Variants in PCDHA7 observed in about 807,000 individuals in gnomAD.
PCDHA7 encodes protocadherin alpha 7.
PCDHA7 carries 37 observed loss-of-function variants against 57.2 expected under a neutral mutation model. The observed-to-expected ratio is 0.65, with a 90% CI of 0.50 to 0.85. PCDHA7 has a LOEUF of 0.85. Ranked by LOEUF, PCDHA7 falls within the 40% of genes least tolerant of loss-of-function variation. The pLI, the probability that PCDHA7 is intolerant of heterozygous loss-of-function variation, is 0.00. For synonymous variants in PCDHA7, 553 were observed against 558.8 expected, an observed-to-expected ratio of 0.99 and a Z score of 0.15; for missense variants, 1,188 against 1,241.8, an observed-to-expected ratio of 0.96 and a Z score of 0.65.
chr5:140,925,395 GCCT>G (rs2082476248), intron 1 of PCDHA7, among the ~76,000 whole-genome samples: 1 of 151,998 alleles, frequency 6.6e-6, no homozygotes, highest in Non-Finnish European at 1.5e-5. Flanking sequence ...CTTTTGGCTC[GCCT>G]CCTTCTTAGG....
chr5:140,928,168 A>T, intron 1 of PCDHA7: 3 of 1,614,174 alleles, frequency 1.9e-6, no homozygotes, highest in Non-Finnish European at 2.5e-6. Flanking sequence ...ACCCCCACTT[A>T]GCACCCGAAG....
intron 1 of PCDHA7, among the ~76,000 whole-genome samples, chr5:140,915,632 CT>C (rs782761734): frequency 6.2e-5 from 9 of 144,496 alleles, no homozygotes; most frequent in Non-Finnish European, 1.3e-4. Context: ...TTCTGTCTCT[CT>C]CTCTCTCTCT....
In PCDHA7 at chr5:140,876,415, G is replaced by T; in HGVS notation, c.2355+39677G>T. On this transcript the variant is annotated intron_variant, in intron 1 of 3. Transcript: ENST00000525929. Reference sequence around the variant, plus strand: ...TGAACTGGATTTTGAAGAGAATAATGCCTATGAAATTCAGGTTAACGCCAT... The same window carrying T: ...TGAACTGGATTTTGAAGAGAATAATTCCTATGAAATTCAGGTTAACGCCAT... The T allele has an allele frequency of 2.5e-6, 4 of 1,613,960 alleles. 1 individual carries two copies. The highest frequency in any genetic ancestry group is 3.4e-6 in the Non-Finnish European group (4 of 1,179,898).
At chr5:140,876,101 T>C (rs2056113076) in intron 1 of PCDHA7, 1 of 1,613,984 alleles carries the variant, frequency 6.2e-7, no homozygotes, top group East Asian at 2.2e-5. Flanking sequence ...AAACTCAATT[T>C]ATTGCTGATG....
intron 1 of PCDHA7, chr5:140,842,749 G>A: frequency 1.9e-6 from 3 of 1,595,014 alleles, no homozygotes; most frequent in Non-Finnish European, 1.7e-6. Flanking sequence ...ACATCTTCAC[G>A]GTGTCTGCGC....
chr5:140,852,967 C>T (rs1446312366), intron 1 of PCDHA7: 3 of 408,074 alleles, frequency 7.4e-6, no homozygotes, highest in South Asian at 2.0e-4. Flanking sequence ...CAAGCTCCCC[C>T]TCCCGTGTTC....
chr5:140,870,785 C>T, intron 1 of PCDHA7: 1 of 1,613,662 alleles, frequency 6.2e-7, no homozygotes, highest in East Asian at 2.2e-5. Context: ...AACGACAACG[C>T]GCCGGCACTG....
At chr5:140,879,757 C>T (rs1312451493) in intron 1 of PCDHA7, among the ~76,000 whole-genome samples, 1 of 152,212 alleles carries the variant, frequency 6.6e-6, no homozygotes, top group African/African-American at 2.4e-5. Context: ...GCTATACTCT[C>T]TTTGGAGGCC....
intron 1 of PCDHA7, among the ~76,000 whole-genome samples, chr5:140,914,464 A>T (rs923814955): frequency 5.9e-5 from 9 of 152,130 alleles, no homozygotes; most frequent in Non-Finnish European, 1.3e-4. Flanking sequence ...GTCTATGTGT[A>T]TCTTCATAGG....
At chr5:140,894,989 C>T (rs1446674371) in intron 1 of PCDHA7, among the ~76,000 whole-genome samples, 2 of 152,110 alleles carry the variant, frequency 1.3e-5, no homozygotes, top group Non-Finnish European at 2.9e-5. Context: ...TTGTGACATC[C>T]TTTACCCTTT....
At position 140,969,448 on chromosome 5, in the gene PCDHA7, G is replaced by A. The variant is rs781843317; in HGVS notation, c.2356-9501G>A. 468 of 1,537,938 alleles carry A rather than the reference G, an allele frequency of 3.0e-4. 1 individual carries two copies. Among genetic ancestry groups the A allele is most frequent in the Non-Finnish European group, 4.0e-4 (459 of 1,139,778 alleles). On this transcript the variant is annotated intron_variant, in intron 1 of 3. Coordinates refer to ENST00000525929, the MANE Select transcript of PCDHA7 (RefSeq NM_018910.3). ...AGTGACAAGAGTTATCTGGTAAACT[G>A]AGTATATATAGTATCCACAATTTGA...
chr5:140,991,719 A>T (rs1451245400), intron 3 of PCDHA7, among the ~76,000 whole-genome samples: 1 of 152,194 alleles, frequency 6.6e-6, no homozygotes, highest in African/African-American at 2.4e-5. Flanking sequence ...TGCTACTAGC[A>T]GCCTGTTCAA....
intron 1 of PCDHA7, among the ~76,000 whole-genome samples, chr5:140,874,127 A>G (rs1297073584): frequency 2.0e-5 from 3 of 151,564 alleles, no homozygotes; most frequent in Non-Finnish European, 4.4e-5. Flanking sequence ...TAGTTTATTT[A>G]AGTTATCTTA....
At chr5:140,895,292 C>T (rs1032250917) in intron 1 of PCDHA7, among the ~76,000 whole-genome samples, 11 of 152,044 alleles carry the variant, frequency 7.2e-5, no homozygotes, top group Non-Finnish European at 1.2e-4. Flanking sequence ...TTAGGACCTT[C>T]GATTTCCCCC....
At chr5:141,003,424 G>A (rs1431935325) in intron 3 of PCDHA7, among the ~76,000 whole-genome samples, 1 of 152,122 alleles carries the variant, frequency 6.6e-6, no homozygotes, top group Non-Finnish European at 1.5e-5. Context: ...TGATTCTTAT[G>A]CCTCAGCCTC....
chr5:140,898,414 C>T (rs1554187972), intron 1 of PCDHA7, among the ~76,000 whole-genome samples: 1 of 152,170 alleles, frequency 6.6e-6, no homozygotes, highest in Non-Finnish European at 1.5e-5. Flanking sequence ...ATACGGCTAG[C>T]CAGTTTTCCC....
chr5:141,001,114 A>G (rs1456437716), intron 3 of PCDHA7, among the ~76,000 whole-genome samples: 4 of 152,062 alleles, frequency 2.6e-5, no homozygotes, highest in Non-Finnish European at 4.4e-5. Flanking sequence ...TAAGCAATCA[A>G]TAGTCCTTAA....
intron 3 of PCDHA7, among the ~76,000 whole-genome samples, chr5:141,007,300 T>C (rs185284872): frequency 6.6e-6 from 1 of 151,058 alleles, no homozygotes; most frequent in Admixed American, 6.6e-5. Context: ...CCTGTAATCT[T>C]AGCATTTTGG....
intron 1 of PCDHA7, among the ~76,000 whole-genome samples, chr5:140,914,826 CA>C: frequency 6.6e-6 from 1 of 151,812 alleles, no homozygotes; most frequent in East Asian, 1.9e-4. Context: ...ACTGCATAAA[CA>C]AAAAACAAAC....
Sources: gnomAD v4.1 joint callset for allele counts (sites outside exome capture counted in the v4.1 genomes callset) on GRCh38, gnomAD v4.1.1 for gene constraint, MANE v1.5 for transcripts, NCBI Gene and HGNC (gene_info 2026-07-23, HGNC 2026-07-21) for gene names.